Variants in FBRSL1 observed in about 807,000 individuals in gnomAD.
FBRSL1 encodes fibrosin-1-like protein.
A neutral mutation model predicts 89.6 loss-of-function variants in FBRSL1; 51 were observed. The observed-to-expected ratio is 0.57, with a 90% CI of 0.45 to 0.72. FBRSL1 has a LOEUF of 0.72. FBRSL1 is among the 30% of genes least tolerant of loss of function. The pLI is 0.00. For missense variants in FBRSL1, 1,618 were observed against 1,451.8 expected, an observed-to-expected ratio of 1.11 and a Z score of -1.86; for synonymous variants, 779 against 681.1, an observed-to-expected ratio of 1.14 and a Z score of -2.24.
chr12:132,548,604 G>A (rs2037891091), intron 5 of FBRSL1, among the ~76,000 whole-genome samples: 1 of 152,216 alleles, frequency 6.6e-6, no homozygotes, highest in Admixed American at 6.5e-5. Context: ...CCTCCGGGGG[G>A]GCTCTCCTTC....
At position 132,564,840 on chromosome 12, in the gene FBRSL1, A is replaced by G. The variant is rs574236907; in HGVS notation, c.646-2641A>G. Among the ~76,000 whole-genome samples the G allele has an allele frequency of 2.4e-3, 361 of 151,094 alleles. 13 individuals are homozygous for G. Among genetic ancestry groups the G allele is most frequent in the African/African-American group, 7.8e-3 (316 of 40,772 alleles). On this transcript the variant is annotated intron_variant, in intron 5 of 18. Transcript: ENST00000680143. ...GAGACGGGGTTTCACCGTGTTGGCCAGGATGGTCTCGATCTGCTGACCTCG... is the reference window on the plus strand; with the variant it reads ...GAGACGGGGTTTCACCGTGTTGGCCGGGATGGTCTCGATCTGCTGACCTCG...
Position 132,578,919 on chromosome 12 carries a change from A to G in FBRSL1, c.1834+1988A>G, listed in dbSNP as rs2040561000. Among the ~76,000 whole-genome samples, 3 of 152,256 alleles carry G rather than the reference A, an allele frequency of 2.0e-5. No homozygotes were observed. The South Asian group carries it at 6.2e-4, about 31-fold the overall frequency. On this transcript the variant is annotated intron_variant, in intron 15 of 18. Coordinates refer to ENST00000680143, the MANE Select transcript of FBRSL1 (RefSeq NM_001367871.1). ...AGCATCCCAGTAGTCTGGCTTTCTC[A>G]GAAAGCAGAAGTCCAGGCTGCAGTT...
chr12:132,552,161 G>A, intron 5 of FBRSL1: 1 of 168,796 alleles, frequency 5.9e-6, no homozygotes, highest in Non-Finnish European at 1.3e-5. Flanking sequence ...ACTGCCCACT[G>A]CCCCAAGCAC....
At chr12:132,573,599 C>T (rs931272434) in intron 11 of FBRSL1, among the ~76,000 whole-genome samples, 4 of 152,140 alleles carry the variant, frequency 2.6e-5, no homozygotes, top group Admixed American at 6.5e-5. Flanking sequence ...GGCCGCACCC[C>T]GAGCACAGCT....
In FBRSL1 at chr12:132,574,157, G is replaced by A. The variant is rs1170848400; in HGVS notation, c.1598G>A (p.Gly533Glu). ...CACACACTCCTGCAGAAAGCGCCTG[G>A]GGTAGGTGTTAGTGGGCGCCCGTCC... is the stretch of plus-strand genomic sequence containing the variant. ...AVHTLLQKAP[G>E]VSDPYRAVVK... The change falls in exon 12 of 19, where the codon GGG (glycine) becomes GAG (glutamate). Residue 533 changes from glycine (G) to glutamate (E), a missense_variant and splice_region_variant. Transcript: ENST00000680143. 4.2e-6 allele frequency: 6 copies of A among 1,421,036 alleles called. No individual in the cohort carries two copies. The South Asian group carries it at 4.6e-5, about 11-fold the overall frequency. The allele number at this position is 1,421,036 out of a possible 1,614,324, so 88.0% of individuals were successfully genotyped here. A position where few individuals can be genotyped will look rare whatever the true frequency, so the allele number is the denominator to read the frequency against.
At chr12:132,490,952 G>A in intron 1 of FBRSL1, 91 bp downstream of exon 1, 1 of 999,804 alleles carries the variant, frequency 1.0e-6, no homozygotes, top group South Asian at 3.6e-5. Flanking sequence ...CTGGGCTTGC[G>A]ACCGCCCGCG....
chr12:132,582,325 C>G (rs2040818376), intron 18 of FBRSL1, 59 bp downstream of exon 18: 3 of 1,431,576 alleles, frequency 2.1e-6, no homozygotes, highest in Middle Eastern at 1.7e-4. Flanking sequence ...TCTTTCCCCC[C>G]TCCCGTCATC....
At chr12:132,581,119 T>C in intron 15 of FBRSL1, 1 of 985,436 alleles carries the variant, frequency 1.0e-6, no homozygotes, top group Non-Finnish European at 1.2e-6. Context: ...CCGATCAAGG[T>C]GCATGTTACT....
intron 2 of FBRSL1, chr12:132,512,053 T>C (rs2034401301): frequency 1.0e-6 from 1 of 975,180 alleles, no homozygotes; most frequent in Non-Finnish European, 1.2e-6. Flanking sequence ...CATTGCACTC[T>C]GACCGAACAG....
At chr12:132,572,804 G>A (rs2040126707) in intron 11 of FBRSL1, among the ~76,000 whole-genome samples, 182 bp downstream of exon 11, 2 of 152,246 alleles carry the variant, frequency 1.3e-5, no homozygotes, top group Admixed American at 1.3e-4. Context: ...CGGTCTGTGT[G>A]TGGCCACCGT....
chr12:132,501,750 G>T (rs749128209), intron 1 of FBRSL1, among the ~76,000 whole-genome samples: 1 of 152,142 alleles, frequency 6.6e-6, no homozygotes, highest in Non-Finnish European at 1.5e-5. Flanking sequence ...TGGATTCCTC[G>T]TCCCAGCAGC....
intron 4 of FBRSL1, among the ~76,000 whole-genome samples, chr12:132,529,372 G>A (rs960897349): frequency 1.3e-5 from 2 of 152,204 alleles, no homozygotes; most frequent in Admixed American, 1.3e-4. Flanking sequence ...CACAGGCCAG[G>A]AGTGGACCCC....
rs2037722117 is a variant in FBRSL1, at chr12:132,546,733, G to T, written c.616-1270G>T. ...CCCCCCCCACAGGCCCACCCCAGCT[G>T]CCCAGCTTCCCCAGGGGTCCCAGCT... On this transcript the variant is annotated intron_variant, in intron 4 of 18. Coordinates refer to ENST00000680143, the MANE Select transcript of FBRSL1 (RefSeq NM_001367871.1). This position sits in a 1 kb window ranked among gnomAD's most constrained non-coding sequence, Gnocchi z 4.0. 6.6e-6 allele frequency among the ~76,000 whole-genome samples: 1 copy of T among 152,212 alleles called. No homozygotes were observed. Among genetic ancestry groups the T allele is most frequent in the African/African-American group, 2.4e-5 (1 of 41,446 alleles).
chr12:132,564,844 T>C (rs935166508), intron 5 of FBRSL1, among the ~76,000 whole-genome samples: 2 of 151,472 alleles, frequency 1.3e-5, no homozygotes, highest in East Asian at 3.9e-4. Flanking sequence ...TTGGCCAGGA[T>C]GGTCTCGATC....
chr12:132,507,504 G>A (rs1407383591), intron 1 of FBRSL1: 7 of 868,936 alleles, frequency 8.1e-6, no homozygotes, highest in South Asian at 5.3e-5. Context: ...AGGCTAGAAG[G>A]TGCTCTGAAG....
Position 132,576,945 on chromosome 12 carries a change from C to T in FBRSL1, c.1834+14C>T, listed in dbSNP as rs1555289594. On this transcript the variant is annotated intron_variant, in intron 15 of 18. Coordinates refer to ENST00000680143, the MANE Select transcript of FBRSL1 (RefSeq NM_001367871.1). ...TCCCCAGCACAGGTGAGACTGGAGTCGGGCCAGGTGGGGGGCACAGAAACC... is the reference window on the plus strand; with the variant it reads ...TCCCCAGCACAGGTGAGACTGGAGTTGGGCCAGGTGGGGGGCACAGAAACC... The T allele has an allele frequency of 5.2e-6, 8 of 1,544,154 alleles. No homozygotes were observed. The highest frequency in any genetic ancestry group is 2.4e-5 in the South Asian group (2 of 83,226).
chr12:132,568,207 C>T (rs1378786097), intron 6 of FBRSL1, among the ~76,000 whole-genome samples: 1 of 152,234 alleles, frequency 6.6e-6, no homozygotes, highest in Non-Finnish European at 1.5e-5. Flanking sequence ...AGGCGGGCAG[C>T]ATCTCCGGCA....
chr12:132,509,288 G>C, intron 2 of FBRSL1: 5 of 1,252,348 alleles, frequency 4.0e-6, no homozygotes, highest in Non-Finnish European at 5.0e-6. Context: ...TCCCAGCCCC[G>C]TCGGCACTCC....
intron 1 of FBRSL1, among the ~76,000 whole-genome samples, chr12:132,503,437 G>A (rs1300954460): frequency 6.6e-6 from 1 of 152,270 alleles, no homozygotes; most frequent in South Asian, 2.1e-4. Context: ...ACCGGCCAAG[G>A]CGACATTGGA....
Sources: gnomAD v4.1 joint callset for allele counts (sites outside exome capture counted in the v4.1 genomes callset) on GRCh38, gnomAD v4.1.1 for gene constraint, Gnocchi (gnomAD v3.1) non-coding constraint, MANE v1.5 for transcripts, NCBI Gene and HGNC (gene_info 2026-07-23, HGNC 2026-07-21) for gene names.